Variants in ZNF792 observed in about 807,000 individuals in gnomAD.
ZNF792 encodes the protein zinc finger protein 792.
Under a neutral mutation model 13.1 loss-of-function variants are expected in ZNF792, and 14 were observed. That is an observed-to-expected ratio of 1.07 (90% CI 0.71 to 1.67). The LOEUF is 1.67. ZNF792 is among the 40% of genes most tolerant of loss of function. The pLI is 0.00. For missense variants in ZNF792, 740 were observed against 807.9 expected, an observed-to-expected ratio of 0.92 and a Z score of 1.02; for synonymous variants, 257 against 292.0, an observed-to-expected ratio of 0.88 and a Z score of 1.22.
intron 2 of ZNF792, 135 bp from the exon 3 acceptor site, chr19:34,960,492 T>C (rs12976023): frequency 0.093 from 103,503 of 1,117,420 alleles, 5,453 homozygotes; most frequent in East Asian, 0.22. Flanking sequence ...ACATCAGTGA[T>C]TGGAATTCCT....
chr19:34,957,951 C>T lies in ZNF792; in HGVS notation c.*5G>A, dbSNP rs779163118. The T allele has an allele frequency of 8.8e-6, 14 of 1,582,962 alleles. No homozygotes were observed. In the Admixed American group the frequency reaches 2.0e-4, roughly 22 times the overall value. The stretch of plus-strand genomic sequence containing the variant: ...TCCAGAAAGCTTCCAACACAGCTAG[C>T]ATTCCTAGGGAACCTCCCCAGGGTG... On this transcript the variant is annotated 3_prime_UTR_variant, in exon 4 of 4. Coordinates refer to ENST00000404801, the MANE Select transcript of ZNF792 (RefSeq NM_175872.5).
intron 2 of ZNF792, 22 bp downstream of exon 2, chr19:34,960,846 G>A (rs757482510): frequency 8.1e-6 from 13 of 1,613,666 alleles, no homozygotes; most frequent in Middle Eastern, 1.6e-4. Context: ...TCGGGACACC[G>A]GGGTAGGGGT....
intron 3 of ZNF792, 127 bp from the exon 4 acceptor site, chr19:34,959,698 C>A (rs1324362773): frequency 2.8e-6 from 3 of 1,059,744 alleles, no homozygotes; most frequent in African/African-American, 3.2e-5. Context: ...AGGCTCAGGT[C>A]AGGGTAAGGA....
At chr19:34,963,303 C>T (rs898360808) in intron 1 of ZNF792, among the ~76,000 whole-genome samples, 2 of 152,128 alleles carry the variant, frequency 1.3e-5, no homozygotes, top group Non-Finnish European at 2.9e-5. Flanking sequence ...TAACACTGAC[C>T]TGGGTGGGGT....
In ZNF792 at chr19:34,958,672, C is replaced by A. The variant is rs969066841; in HGVS notation, c.1183G>T (p.Glu395Ter). The change falls in exon 4 of 4, where the codon GAG becomes TAG. Residue 395 changes from glutamate to a stop codon, truncating the protein, a stop_gained. Coordinates refer to ENST00000404801, the MANE Select transcript of ZNF792 (RefSeq NM_175872.5). LOFTEE classifies it low-confidence loss of function (END_TRUNC). The stretch of plus-strand genomic sequence containing the variant: ...AAAGATTTCCCACATTCACTGCACT[C>A]ATGGGCACTTCTGCCCGTATGAACC... ...KRVHTGRSAH[E>*]CSECGKSFNC... 3.7e-6 allele frequency: 6 copies of A among 1,614,200 alleles called. No individual in the cohort carries two copies. The East Asian group carries it at 6.7e-5, about 18-fold the overall frequency.
At chr19:34,960,148 A>T (rs552432485) in intron 3 of ZNF792, 87 bp downstream of exon 3, 1 of 1,551,230 alleles carries the variant, frequency 6.4e-7, no homozygotes, top group Admixed American at 1.8e-5. Context: ...ATTGGTATCA[A>T]ATGATGATGA....
In ZNF792 at chr19:34,958,811, G is replaced by A; in HGVS notation, c.1044C>T (p.Ser348=). ...HVCGDCGKFF[S]RSSNLIQHKR... is the part of the protein sequence containing the mutation. Reference sequence around the variant, plus strand: ...TATGCTGAATGAGGTTGGAGCTTCGGCTGAAGAATTTCCCACAGTCACCAC... The same window carrying A: ...TATGCTGAATGAGGTTGGAGCTTCGACTGAAGAATTTCCCACAGTCACCAC... The change falls in exon 4 of 4, where the codon AGC becomes AGT. Residue 348 remains serine (S), a synonymous_variant. Transcript: ENST00000404801. The A allele has an allele frequency of 6.2e-7, 1 of 1,613,984 alleles. No homozygotes were observed. The highest frequency in any genetic ancestry group is 8.5e-7 in the Non-Finnish European group (1 of 1,179,916).
chr19:34,959,358 A>G lies in ZNF792; in HGVS notation c.497T>C (p.Val166Ala). 1 of 1,614,076 alleles carries G rather than the reference A, an allele frequency of 6.2e-7. No individual in the cohort carries two copies. Among genetic ancestry groups the G allele is most frequent in the South Asian group, 1.1e-5 (1 of 91,086 alleles). Residue 166 changes from valine (V) to alanine (A), a missense_variant, in exon 4 of 4, where the codon GTG (valine) becomes GCG (alanine). By Grantham distance (64) the Val-to-Ala change is moderately conservative. Coordinates refer to ENST00000404801, the MANE Select transcript of ZNF792 (RefSeq NM_175872.5). Reference sequence around the variant, plus strand: ...GTTTGCACTGAACTCAGAGCCTTTCACATATGCCTCACACACAAATGGTTT... The same window carrying G: ...GTTTGCACTGAACTCAGAGCCTTTCGCATATGCCTCACACACAAATGGTTT... Reference protein sequence around the residue: ...RQKPFVCEAYVKGSEFSANLP... With the variant: ...RQKPFVCEAYAKGSEFSANLP...
intron 1 of ZNF792, among the ~76,000 whole-genome samples, chr19:34,962,645 T>C (rs939044802): frequency 3.3e-5 from 5 of 152,122 alleles, no homozygotes; most frequent in African/African-American, 7.2e-5. Context: ...GGGTTGTTTA[T>C]TGTAGATAAG....
At position 34,958,936 on chromosome 19, in the gene ZNF792, C is replaced by T; in HGVS notation, c.919G>A (p.Gly307Arg). 1 of 1,614,040 alleles carries T rather than the reference C, an allele frequency of 6.2e-7. No individual in the cohort carries two copies. Among genetic ancestry groups the T allele is most frequent in the Non-Finnish European group, 8.5e-7 (1 of 1,179,920 alleles). Reference protein sequence around the residue: ...LTQHQKVHNRGKPYECCECGK... With the variant: ...LTQHQKVHNRRKPYECCECGK... Reference sequence around the variant, plus strand: ...CATTCACAGCACTCATACGGTTTTCCTCTATTGTGAACTTTCTGGTGTTGA... The same window carrying T: ...CATTCACAGCACTCATACGGTTTTCTTCTATTGTGAACTTTCTGGTGTTGA... The change falls in exon 4 of 4, where the codon GGA (glycine) becomes AGA (arginine). Residue 307 changes from glycine to arginine, a missense_variant. Transcript: ENST00000404801.
intron 1 of ZNF792, among the ~76,000 whole-genome samples, chr19:34,961,740 C>T (rs1381175806): frequency 6.6e-6 from 1 of 152,148 alleles, no homozygotes; most frequent in Non-Finnish European, 1.5e-5. Flanking sequence ...AAAGCCAACC[C>T]CTCTGGCCAT....
At position 34,964,132 on chromosome 19, in the gene ZNF792, G is replaced by C. The variant is rs1050006086; in HGVS notation, c.-470C>G. On this transcript the variant is annotated 5_prime_UTR_variant, in exon 1 of 4. Coordinates refer to ENST00000404801, the MANE Select transcript of ZNF792 (RefSeq NM_175872.5). ...CGGGAGAGTTGCCCTCTCCCGTACT[G>C]TCATTGGCCTGGCGCCAGCCGCTGG... 7 of 157,106 alleles carry C rather than the reference G, an allele frequency of 4.5e-5. No homozygotes were observed. Among genetic ancestry groups the C allele is most frequent in the African/African-American group, 1.7e-4 (7 of 41,628 alleles). The allele number at this position is 157,106 out of a possible 1,614,324, so 9.7% of individuals were successfully genotyped here.
In ZNF792 at chr19:34,957,944, C is replaced by T. The variant is rs1181746055; in HGVS notation, c.*12G>A. On this transcript the variant is annotated 3_prime_UTR_variant, in exon 4 of 4. Coordinates refer to ENST00000404801, the MANE Select transcript of ZNF792 (RefSeq NM_175872.5). The stretch of plus-strand genomic sequence containing the variant: ...ACTTGTCTCCAGAAAGCTTCCAACA[C>T]AGCTAGCATTCCTAGGGAACCTCCC... 2 of 1,577,758 alleles carry T rather than the reference C, an allele frequency of 1.3e-6. No homozygotes were observed. The highest frequency in any genetic ancestry group is 1.2e-5 in the South Asian group (1 of 85,894).
chr19:34,958,902 A>C lies in ZNF792; in HGVS notation c.953T>G (p.Phe318Cys), dbSNP rs368499937. 4.9e-5 allele frequency: 79 copies of C among 1,613,904 alleles called. 1 individual carries two copies. Among genetic ancestry groups the C allele is most frequent in the Admixed American group, 4.3e-4 (26 of 60,008 alleles). The change falls in exon 4 of 4, where the codon TTC becomes TGC. Residue 318 changes from phenylalanine to cysteine, a missense_variant. Physicochemically the swap from Phe to Cys is radical, Grantham distance 205. Coordinates refer to ENST00000404801, the MANE Select transcript of ZNF792 (RefSeq NM_175872.5). Reference protein sequence around the residue: ...KPYECCECGKFFSQHSSLVKH... With the variant: ...KPYECCECGKCFSQHSSLVKH... ...AACAAGGCTGGAGTGCTGGCTGAAG[A>C]ATTTTCCACATTCACAGCACTCATA...
In ZNF792 at chr19:34,958,407, C is replaced by T. The variant is rs1428089724; in HGVS notation, c.1448G>A (p.Cys483Tyr). ...TGERPYECNE[C>Y]GKLFSQSSSL... ...GGAGCTCTGGCTAAATAACTTCCCACATTCATTGCATTCATAAGGCCGCTC... is the reference window on the plus strand; with the variant it reads ...GGAGCTCTGGCTAAATAACTTCCCATATTCATTGCATTCATAAGGCCGCTC... Residue 483 changes from cysteine to tyrosine, a missense_variant, in exon 4 of 4, where the codon TGT becomes TAT. Transcript: ENST00000404801. The T allele has an allele frequency of 2.5e-6, 4 of 1,613,508 alleles. No individual in the cohort carries two copies. The highest frequency in any genetic ancestry group is 3.4e-6 in the Non-Finnish European group (4 of 1,179,766).
rs1023395606 is a variant in ZNF792 at position 34,957,341 on chromosome 19, A to T, written c.*615T>A. The T allele has an allele frequency of 8.5e-5, 13 of 152,184 alleles. No individual in the cohort carries two copies. The highest frequency in any genetic ancestry group is 7.9e-4 in the Admixed American group (12 of 15,270). The allele number at this position is 152,184 out of a possible 1,614,324, so 9.4% of individuals were successfully genotyped here. ...CCTAGGAGGCCTTGGTGGCAATGCA[A>T]ATGAGGTCAAATCTGGATTGACAGT... On this transcript the variant is annotated 3_prime_UTR_variant, in exon 4 of 4. Transcript: ENST00000404801.
Position 34,958,094 on chromosome 19 carries a change from T to G in ZNF792, c.1761A>C (p.Glu587Asp), listed in dbSNP as rs530655481. The G allele has an allele frequency of 2.5e-5, 41 of 1,612,840 alleles. No homozygotes were observed. In the South Asian group the frequency reaches 4.2e-4, roughly 16 times the overall value. ...GAAGGAGCACATTCTCCATGCTCCT[T>G]TCTCTGATGTGAATCTTCTGATGCC... ...LIRHQKIHIR[E>D]RSMENVLLPC... The change falls in exon 4 of 4, where the codon GAA becomes GAC. Residue 587 changes from glutamate to aspartate, a missense_variant. Transcript: ENST00000404801.
rs764178864 is a variant in ZNF792 at position 34,958,253 on chromosome 19, A to T, written c.1602T>A (p.Tyr534Ter). 1.9e-6 allele frequency: 3 copies of T among 1,613,874 alleles called. No homozygotes were observed. Among genetic ancestry groups the T allele is most frequent in the Non-Finnish European group, 2.5e-6 (3 of 1,179,958 alleles). Residue 534 changes from tyrosine to a stop codon, truncating the protein, a stop_gained, in exon 4 of 4, where the codon TAT (tyrosine) becomes TAA (stop). Transcript: ENST00000404801. LOFTEE classifies it low-confidence loss of function (END_TRUNC). ...AGGTTTTCCCACATTCGCTGCACTCATAAGGCCGCTCGCCGGTGTGAAGTC... is the reference window on the plus strand; with the variant it reads ...AGGTTTTCCCACATTCGCTGCACTCTTAAGGCCGCTCGCCGGTGTGAAGTC... ...HRRLHTGERP[Y>*]ECSECGKTFR...
intron 1 of ZNF792, among the ~76,000 whole-genome samples, chr19:34,963,105 G>A (rs556897937): frequency 1.3e-5 from 2 of 152,160 alleles, no homozygotes; most frequent in South Asian, 2.1e-4. Flanking sequence ...CCCTGCTTGC[G>A]GCTCACTCCA....
Sources: gnomAD v4.1 joint callset for allele counts (sites outside exome capture counted in the v4.1 genomes callset) on GRCh38, gnomAD v4.1.1 for gene constraint, MANE v1.5 for transcripts, NCBI Gene and HGNC (gene_info 2026-07-23, HGNC 2026-07-21) for gene names.